Variants in CTSC observed in about 807,000 individuals in gnomAD.
CTSC encodes cathepsin C, also known as dipeptidyl peptidase 1.
A neutral mutation model predicts 40.9 loss-of-function variants in CTSC; 37 were observed. The observed-to-expected ratio is 0.91, with a 90% CI of 0.70 to 1.19. The LOEUF is 1.19. Ranked by LOEUF, CTSC falls within the 50% of genes most tolerant of loss-of-function variation. The probability of loss-of-function intolerance (pLI) is 0.00; values close to 1 mark genes in which losing one functional copy is unlikely to be tolerated. For missense variants in CTSC, 594 were observed against 567.3 expected (o/e 1.05, Z -0.48); for synonymous variants, 232 against 207.4 (o/e 1.12, Z -1.02).
chr11:88,318,778 C>T (rs531161344), intron 2 of CTSC, among the ~76,000 whole-genome samples: 2 of 152,192 alleles, frequency 1.3e-5, no homozygotes, highest in East Asian at 1.9e-4. Context: ...TAGTGGCACA[C>T]GCCTGTAATC....
chr11:88,332,542 A>T (rs1219401730), intron 2 of CTSC, among the ~76,000 whole-genome samples: 2 of 152,194 alleles, frequency 1.3e-5, no homozygotes, highest in Non-Finnish European at 2.9e-5. Context: ...TCACTCTTGC[A>T]ATTGGATTTA....
At chr11:88,326,011 T>C (rs1308101103) in intron 2 of CTSC, 2 of 1,036,576 alleles carry the variant, frequency 1.9e-6, no homozygotes, top group African/African-American at 1.7e-5. Context: ...AAACAAAACA[T>C]ACACTTCAAA....
chr11:88,325,057 T>C (rs570783140), intron 2 of CTSC: 2 of 984,530 alleles, frequency 2.0e-6, no homozygotes, highest in African/African-American at 3.5e-5. Context: ...GAATTAAACA[T>C]AACCCCATAA....
In CTSC at chr11:88,312,571, GA is replaced by G; in HGVS notation, c.319-18del. 6.2e-7 allele frequency: 1 copy of G among 1,613,712 alleles called. No homozygotes were observed. Among genetic ancestry groups the G allele is most frequent in the Non-Finnish European group, 8.5e-7 (1 of 1,179,930 alleles). On this transcript the variant is annotated intron_variant, in intron 2 of 6. Transcript: ENST00000227266. ...TTCTTTATACTGCAAACAAATAAGA[GA>G]AAAGAAAACCAAGTAAAATCTGTCT...
In CTSC at chr11:88,337,643, G is replaced by T; in HGVS notation, c.30C>A (p.Ala10=). Residue 10 remains alanine (A), a synonymous_variant, in exon 1 of 7, where the codon GCC becomes GCA. Coordinates refer to ENST00000227266, the MANE Select transcript of CTSC (RefSeq NM_001814.6). ...CGCCGGAGAGAAGCAGCAGGAGGGC[G>T]GCGAGCAGCAAGGAGGGCCCAGCAC... MGAGPSLLL[A]ALLLLLSGDG... 1 of 1,583,958 alleles carries T rather than the reference G, an allele frequency of 6.3e-7. No homozygotes were observed. Among genetic ancestry groups the T allele is most frequent in the South Asian group, 1.2e-5 (1 of 86,930 alleles).
At chr11:88,304,327 C>A (rs1190190843) in intron 4 of CTSC, among the ~76,000 whole-genome samples, 1 of 152,200 alleles carries the variant, frequency 6.6e-6, no homozygotes, top group East Asian at 1.9e-4. Flanking sequence ...AATAAAATGG[C>A]AGCTGTTATG....
chr11:88,305,749 T>A (rs1937625496), intron 4 of CTSC, among the ~76,000 whole-genome samples: 1 of 152,224 alleles, frequency 6.6e-6, no homozygotes, highest in Non-Finnish European at 1.5e-5. Flanking sequence ...TCTTAAACCT[T>A]CTATAAAGCT....
At position 88,293,840 on chromosome 11, in the gene CTSC, G is replaced by A. The variant is rs1015300727; in HGVS notation, c.*166C>T. On this transcript the variant is annotated 3_prime_UTR_variant, in exon 7 of 7. Transcript: ENST00000227266. ...AGAAAAAAATGGCCAGTGGCCGATT[G>A]AAAGGTATATTAAAATTAAGGGCAG... The A allele has an allele frequency of 2.4e-6, 2 of 818,026 alleles. No homozygotes were observed. The highest frequency in any genetic ancestry group is 1.7e-5 in the African/African-American group (1 of 58,480). The allele number at this position is 818,026 out of a possible 1,614,324, so 50.7% of individuals were successfully genotyped here.
rs140867887 is a variant in CTSC, at chr11:88,327,458, C to T, written c.318+7479G>A. 3.4e-3 allele frequency among the ~76,000 whole-genome samples: 525 copies of T among 152,216 alleles called. 2 individuals carry two copies. Among genetic ancestry groups the T allele is most frequent in the Non-Finnish European group, 6.4e-3 (437 of 68,020 alleles). ...GTCTCTATTAATTTTACTCTCTAAT[C>T]ACCTATTTCTTCATCAACATTTTAG... On this transcript the variant is annotated intron_variant, in intron 2 of 6. Transcript: ENST00000227266.
intron 4 of CTSC, among the ~76,000 whole-genome samples, chr11:88,302,459 T>C (rs1398769166): frequency 6.6e-6 from 1 of 151,440 alleles, no homozygotes; most frequent in Non-Finnish European, 1.5e-5. Flanking sequence ...CCGTCCCTAC[T>C]AAAAATACAA....
chr11:88,323,182 T>A (rs1388939260), intron 2 of CTSC: 1 of 152,166 alleles, frequency 6.6e-6, no homozygotes, highest in Non-Finnish European at 1.5e-5. Context: ...CATGATTATC[T>A]CAATAGACAC....
chr11:88,313,981 A>C (rs1274016470), intron 2 of CTSC, among the ~76,000 whole-genome samples: 1 of 152,200 alleles, frequency 6.6e-6, no homozygotes, highest in Non-Finnish European at 1.5e-5. Flanking sequence ...AGACTCAAAC[A>C]AATTGGCACA....
Position 88,312,278 on chromosome 11 carries a change from C to T in CTSC, c.485+110G>A. 2.8e-6 allele frequency: 3 copies of T among 1,073,794 alleles called. No individual in the cohort carries two copies. The South Asian group carries it at 3.9e-5, about 14-fold the overall frequency. 66.5% of individuals were successfully genotyped at this position (1,073,794 alleles called of 1,614,324 possible). A position where few individuals can be genotyped will look rare whatever the true frequency, so the allele number is the denominator to read the frequency against. Reference sequence around the variant, plus strand: ...GTTTTACATAGCATGCCTAATATTTCTAAGCCAAAGATATTTTGTATAATC... The same window carrying T: ...GTTTTACATAGCATGCCTAATATTTTTAAGCCAAAGATATTTTGTATAATC... On this transcript the variant is annotated intron_variant, in intron 3 of 6. Coordinates refer to ENST00000227266, the MANE Select transcript of CTSC (RefSeq NM_001814.6).
intron 2 of CTSC, among the ~76,000 whole-genome samples, chr11:88,332,976 C>T (rs967142450): frequency 1.3e-4 from 20 of 152,104 alleles, no homozygotes; most frequent in Admixed American, 5.2e-4. Context: ...TTCTATTGAC[C>T]TAATGTGACT....
In CTSC at chr11:88,300,531, T is replaced by C. The variant is rs1469453478; in HGVS notation, c.756A>G (p.Gln252=). 3 of 1,586,554 alleles carry C rather than the reference T, an allele frequency of 1.9e-6. No individual in the cohort carries two copies. The Admixed American group carries it at 5.0e-5, about 26-fold the overall frequency. ...AAAAACTTAGGCTTATTTTTTTACCTTGGTTTCGAACAGGACTGACAAAAT... is the reference window on the plus strand; with the variant it reads ...AAAAACTTAGGCTTATTTTTTTACCCTGGTTTCGAACAGGACTGACAAAAT... ...GINFVSPVRN[Q]ASCGSCYSFA... Residue 252 remains glutamine, a splice_region_variant and synonymous_variant, in exon 5 of 7, where the codon CAA becomes CAG. Coordinates refer to ENST00000227266, the MANE Select transcript of CTSC (RefSeq NM_001814.6).
chr11:88,312,600 A>C, intron 2 of CTSC, 46 bp from the exon 3 acceptor site: 1 of 1,608,616 alleles, frequency 6.2e-7, no homozygotes, highest in Non-Finnish European at 8.5e-7. Flanking sequence ...ATCTGTCTTC[A>C]AATTTCAGGT....
At chr11:88,309,070 A>G (rs1937693698) in intron 4 of CTSC, 93 bp downstream of exon 4, 1 of 1,128,554 alleles carries the variant, frequency 8.9e-7, no homozygotes, top group African/African-American at 1.5e-5. Context: ...GATGACCAAT[A>G]AAATGGCGAG....
chr11:88,335,656 A>G (rs1356062681), intron 1 of CTSC, among the ~76,000 whole-genome samples: 9 of 152,200 alleles, frequency 5.9e-5, no homozygotes, highest in Non-Finnish European at 1.0e-4. Context: ...AGAGCATCCC[A>G]ACACTGAAGA....
In CTSC at chr11:88,330,779, C is replaced by T. The variant is rs904622241; in HGVS notation, c.318+4158G>A. ...AGTCACATCCAAATATATGTATCTC[C>T]ATCCCTACTATACCCCCAATTTCTC... On this transcript the variant is annotated intron_variant, in intron 2 of 6. Transcript: ENST00000227266. Among the ~76,000 whole-genome samples the T allele has an allele frequency of 1.2e-4, 19 of 152,270 alleles. 1 individual carries two copies. The Middle Eastern group carries it at 0.01, about 82-fold the overall frequency.
Sources: gnomAD v4.1 joint callset for allele counts (sites outside exome capture counted in the v4.1 genomes callset) on GRCh38, gnomAD v4.1.1 for gene constraint, MANE v1.5 for transcripts, NCBI Gene and HGNC (gene_info 2026-07-23, HGNC 2026-07-21) for gene names.